The following MTURN variants were observed in gnomAD, a reference collection of about 807,000 sequenced individuals.
MTURN encodes the protein maturin.
In MTURN, 7 loss-of-function variants were observed where a neutral mutation model predicts 14.9. The ratio of observed to expected loss-of-function variants is 0.47; its 90% CI spans 0.27 to 0.88. The LOEUF is 0.88. Among genes scored for constraint, MTURN ranks in the 40% least tolerant of loss-of-function variants. The pLI, the probability that MTURN is intolerant of heterozygous loss-of-function variation, is 0.14. For synonymous variants in MTURN, 69 were observed against 72.5 expected, an observed-to-expected ratio of 0.95 and a Z score of 0.25; for missense variants, 151 against 174.1, an observed-to-expected ratio of 0.87 and a Z score of 0.75.
At chr7:30,142,182 CAT>C (rs1306764704) in intron 1 of MTURN, among the ~76,000 whole-genome samples, 33 of 152,202 alleles carry the variant, frequency 2.2e-4, no homozygotes, top group Admixed American at 2.2e-3. Context: ...TTGCAGGTGA[CAT>C]AGTTATATTC....
rs1797312368 is a variant in MTURN at position 30,157,989 on chromosome 7, C to G, written c.*441C>G. ...CACTTTTTATGTACTTTTTAAGTGTCCGTAAGTGAAAGGTTTTGCTTATAA... is the reference window on the plus strand; with the variant it reads ...CACTTTTTATGTACTTTTTAAGTGTGCGTAAGTGAAAGGTTTTGCTTATAA... On this transcript the variant is annotated 3_prime_UTR_variant, in exon 3 of 3. Coordinates refer to ENST00000324453, the MANE Select transcript of MTURN (RefSeq NM_152793.3). 1 of 152,684 alleles carries G rather than the reference C, an allele frequency of 6.5e-6. No individual in the cohort carries two copies. The highest frequency in any genetic ancestry group is 2.4e-5 in the African/African-American group (1 of 41,420). The allele number at this position is 152,684 out of a possible 1,614,324, so 9.5% of individuals were successfully genotyped here. A position where few individuals can be genotyped will look rare whatever the true frequency, so the allele number is the denominator to read the frequency against.
intron 1 of MTURN, 112 bp downstream of exon 1, chr7:30,135,410 C>G: frequency 1.1e-6 from 1 of 930,238 alleles, no homozygotes; most frequent in East Asian, 4.6e-5. Flanking sequence ...AGTGGGGGGC[C>G]GTAACCCGCG....
intron 1 of MTURN, among the ~76,000 whole-genome samples, chr7:30,136,488 T>A (rs999049363): frequency 1.3e-5 from 2 of 152,018 alleles, no homozygotes; most frequent in South Asian, 2.1e-4. Context: ...GCTCCTCAGG[T>A]GGGGGAGACA....
At chr7:30,139,009 C>T (rs945051905) in intron 1 of MTURN, among the ~76,000 whole-genome samples, 1 of 152,192 alleles carries the variant, frequency 6.6e-6, no homozygotes, top group African/African-American at 2.4e-5. Flanking sequence ...CCATAGCACT[C>T]GTTAGACTTG....
At chr7:30,143,628 T>C (rs1212386345) in intron 1 of MTURN, among the ~76,000 whole-genome samples, 1 of 152,166 alleles carries the variant, frequency 6.6e-6, no homozygotes, top group African/African-American at 2.4e-5. Flanking sequence ...CCCCAAAACC[T>C]AACAGAACTG....
In MTURN at chr7:30,158,478, A is replaced by C. The variant is rs1170612683; in HGVS notation, c.*930A>C. The C allele has an allele frequency of 1.3e-5, 2 of 151,750 alleles. No individual in the cohort carries two copies. The highest frequency in any genetic ancestry group is 2.4e-5 in the African/African-American group (1 of 41,042). 9.4% of individuals were successfully genotyped at this position (151,750 alleles called of 1,614,324 possible). A position where few individuals can be genotyped will look rare whatever the true frequency, so the allele number is the denominator to read the frequency against. On this transcript the variant is annotated 3_prime_UTR_variant, in exon 3 of 3. Coordinates refer to ENST00000324453, the MANE Select transcript of MTURN (RefSeq NM_152793.3). ...TAAAAGTTTTTAAAAATATGGTAGA[A>C]TCCTTCTTTACTTTTTAAGTCTTTT...
intron 2 of MTURN, among the ~76,000 whole-genome samples, chr7:30,155,008 T>C (rs1306120654): frequency 6.6e-6 from 1 of 152,218 alleles, no homozygotes; most frequent in Admixed American, 6.5e-5. Flanking sequence ...ACCTATGGTT[T>C]GGGTCAGTAT....
rs1357028181 is a variant in MTURN, at chr7:30,162,469, G to A, written c.*4921G>A. On this transcript the variant is annotated 3_prime_UTR_variant, in exon 3 of 3. Coordinates refer to ENST00000324453, the MANE Select transcript of MTURN (RefSeq NM_152793.3). ...CAAGAAGCAAAAGCAAGGAATAGTT[G>A]TTGGGTTTTTGTTTTTTGGTTGTTG... 1 of 150,674 alleles carries A rather than the reference G, an allele frequency of 6.6e-6. No individual in the cohort carries two copies. The highest frequency in any genetic ancestry group is 1.5e-5 in the Non-Finnish European group (1 of 67,686). The allele number at this position is 150,674 out of a possible 1,614,324, so 9.3% of individuals were successfully genotyped here.
At chr7:30,135,637 G>C (rs1344557570) in intron 1 of MTURN, among the ~76,000 whole-genome samples, 1 of 152,158 alleles carries the variant, frequency 6.6e-6, no homozygotes, top group Non-Finnish European at 1.5e-5. Context: ...CGCGGTGCCT[G>C]GCATGGAGCA....
chr7:30,135,932 G>T (rs1796947214), intron 1 of MTURN, among the ~76,000 whole-genome samples: 1 of 152,232 alleles, frequency 6.6e-6, no homozygotes, highest in African/African-American at 2.4e-5. Flanking sequence ...ATTACACCCC[G>T]GATCTTAATA....
intron 1 of MTURN, among the ~76,000 whole-genome samples, chr7:30,142,862 C>T (rs776497862): frequency 1.3e-5 from 2 of 152,204 alleles, no homozygotes; most frequent in African/African-American, 4.8e-5. Context: ...TTTGCCAGGG[C>T]GTTGCATTGT....
Position 30,159,325 on chromosome 7 carries a change from G to A in MTURN, c.*1777G>A, listed in dbSNP as rs550335589. On this transcript the variant is annotated 3_prime_UTR_variant, in exon 3 of 3. Coordinates refer to ENST00000324453, the MANE Select transcript of MTURN (RefSeq NM_152793.3). ...TCATGAGCAAAGGTGATTGTGAGCT[G>A]TATATTACACAGGTGTCGCCCAGGT... 1 of 152,168 alleles carries A rather than the reference G, an allele frequency of 6.6e-6. No homozygotes were observed. Among genetic ancestry groups the A allele is most frequent in the Admixed American group, 6.5e-5 (1 of 15,270 alleles). 9.4% of individuals were successfully genotyped at this position (152,168 alleles called of 1,614,324 possible).
At position 30,159,320 on chromosome 7, in the gene MTURN, G is replaced by C. The variant is rs1419924870; in HGVS notation, c.*1772G>C. On this transcript the variant is annotated 3_prime_UTR_variant, in exon 3 of 3. Transcript: ENST00000324453. Reference sequence around the variant, plus strand: ...TCCATTCATGAGCAAAGGTGATTGTGAGCTGTATATTACACAGGTGTCGCC... The same window carrying C: ...TCCATTCATGAGCAAAGGTGATTGTCAGCTGTATATTACACAGGTGTCGCC... The C allele has an allele frequency of 2.0e-5, 3 of 152,154 alleles. No homozygotes were observed. Among genetic ancestry groups the C allele is most frequent in the Non-Finnish European group, 4.4e-5 (3 of 68,038 alleles). 9.4% of individuals were successfully genotyped at this position (152,154 alleles called of 1,614,324 possible).
chr7:30,141,450 T>C (rs914799446), intron 1 of MTURN: 1 of 150,414 alleles, frequency 6.6e-6, no homozygotes, highest in Non-Finnish European at 1.5e-5. Flanking sequence ...AAAAGAAATA[T>C]GTTGGGAGGC....
At chr7:30,152,116 C>CAT (rs1367694622) in intron 2 of MTURN, among the ~76,000 whole-genome samples, 2 of 151,940 alleles carry the variant, frequency 1.3e-5, no homozygotes, top group Non-Finnish European at 2.9e-5. Flanking sequence ...TCATAATAAA[C>CAT]ATGGAATATT....
At position 30,135,286 on chromosome 7, in the gene MTURN, C is replaced by T. The variant is rs201535535; in HGVS notation, c.150C>T (p.Cys50=). Residue 50 remains cysteine (C), a synonymous_variant, in exon 1 of 3, where the codon TGC becomes TGT. Coordinates refer to ENST00000324453, the MANE Select transcript of MTURN (RefSeq NM_152793.3). The part of the protein sequence containing the change: ...SFYVLCPDNG[C]GDNFHVWSES... ...ATGTGCTGTGTCCGGACAACGGCTG[C>T]GGCGACAATTTTGTGAGTGCCTGGA... is the stretch of plus-strand genomic sequence containing the variant. The T allele has an allele frequency of 1.3e-6, 2 of 1,521,718 alleles. No homozygotes were observed. Among genetic ancestry groups the T allele is most frequent in the Non-Finnish European group, 1.8e-6 (2 of 1,134,014 alleles). The allele number at this position is 1,521,718 out of a possible 1,614,324, so 94.3% of individuals were successfully genotyped here. A position where few individuals can be genotyped will look rare whatever the true frequency, so the allele number is the denominator to read the frequency against.
chr7:30,148,010 C>G (rs1001368309), intron 2 of MTURN, among the ~76,000 whole-genome samples: 2 of 152,198 alleles, frequency 1.3e-5, no homozygotes, highest in African/African-American at 4.8e-5. Flanking sequence ...GCATGAGAAG[C>G]TTAGATCTCA....
intron 2 of MTURN, among the ~76,000 whole-genome samples, chr7:30,152,626 A>T (rs553031726): frequency 1.5e-3 from 236 of 152,318 alleles, no homozygotes; most frequent in African/African-American, 5.5e-3. Context: ...CACTTGCTCG[A>T]TGCACAAAAG....
chr7:30,157,706 T>G lies in MTURN; in HGVS notation c.*158T>G. ...AAATACCTTTTTAACGACCACAAAA[T>G]ATCTGTGATGAGCTTTGCTCAGAAG... On this transcript the variant is annotated 3_prime_UTR_variant, in exon 3 of 3. Transcript: ENST00000324453. 1 of 435,754 alleles carries G rather than the reference T, an allele frequency of 2.3e-6. No homozygotes were observed. The highest frequency in any genetic ancestry group is 4.1e-6 in the Non-Finnish European group (1 of 245,636). 27.0% of individuals were successfully genotyped at this position (435,754 alleles called of 1,614,324 possible). A position where few individuals can be genotyped will look rare whatever the true frequency, so the allele number is the denominator to read the frequency against.
Sources: allele counts gnomAD v4.1 joint callset (sites outside exome capture counted in the v4.1 genomes callset), GRCh38; gene constraint gnomAD v4.1.1; transcripts MANE v1.5; gene names NCBI Gene and HGNC (gene_info 2026-07-23, HGNC 2026-07-21).